The following TRIO variants were observed in gnomAD, a reference collection of about 807,000 sequenced individuals.
TRIO encodes the protein trio Rho guanine nucleotide exchange factor, also known as triple functional domain protein.
Under a neutral mutation model 351.9 loss-of-function variants are expected in TRIO, and 58 were observed. The ratio of observed to expected loss-of-function variants is 0.16; its 90% confidence interval spans 0.13 to 0.21. The LOEUF is 0.21. TRIO is among the 10% of genes least tolerant of loss of function. The probability of loss-of-function intolerance (pLI) is 1.00; values close to 1 mark genes in which losing one functional copy is unlikely to be tolerated. For missense variants in TRIO, 3,201 were observed against 4,027.8 expected (o/e 0.79, Z 5.56); for synonymous variants, 1,758 against 1,595.7 (o/e 1.10, Z -2.42).
intron 16 of TRIO, among the ~76,000 whole-genome samples, chr5:14,367,254 C>T (rs1306958442): frequency 6.6e-6 from 1 of 152,174 alleles, no homozygotes; most frequent in Non-Finnish European, 1.5e-5. Flanking sequence ...TCCTGTTGTT[C>T]TCCTGTTGTA....
chr5:14,361,442 T>C (rs1198795297), intron 13 of TRIO, among the ~76,000 whole-genome samples: 6 of 152,154 alleles, frequency 3.9e-5, no homozygotes, highest in Admixed American at 3.3e-4. Context: ...TCAGATATGG[T>C]TCAGAAGCTG....
intron 1 of TRIO, among the ~76,000 whole-genome samples, chr5:14,179,115 T>G (rs981785006): frequency 6.6e-6 from 1 of 151,682 alleles, no homozygotes; most frequent in Non-Finnish European, 1.5e-5. Context: ...GAGGGAAGAG[T>G]TTTGGTCATA....
chr5:14,338,126 A>T (rs909785101), intron 11 of TRIO, among the ~76,000 whole-genome samples: 1 of 152,104 alleles, frequency 6.6e-6, no homozygotes, highest in African/African-American at 2.4e-5. Flanking sequence ...CTCATTGTGA[A>T]CCGAGCTTGT....
At chr5:14,359,577 G>T (rs1743948818) in intron 13 of TRIO, 46 bp downstream of exon 13, 1 of 1,600,376 alleles carries the variant, frequency 6.2e-7, no homozygotes, top group African/African-American at 1.3e-5. Flanking sequence ...GGAGCCCTTG[G>T]CTTCCTCCAC....
intron 1 of TRIO, among the ~76,000 whole-genome samples, chr5:14,206,881 A>G (rs565667211): frequency 5.3e-5 from 8 of 152,342 alleles, no homozygotes; most frequent in South Asian, 2.1e-4. Flanking sequence ...CCATATAAGC[A>G]TATATAATCA....
intron 1 of TRIO, among the ~76,000 whole-genome samples, chr5:14,163,388 A>C (rs1788586919): frequency 6.6e-6 from 1 of 151,998 alleles, no homozygotes; most frequent in South Asian, 2.1e-4. Flanking sequence ...CTATGGTGTA[A>C]ATTTTGTATT....
intron 1 of TRIO, among the ~76,000 whole-genome samples, chr5:14,181,203 T>G (rs1164426291): frequency 6.6e-6 from 1 of 152,098 alleles, no homozygotes; most frequent in South Asian, 2.1e-4. Flanking sequence ...TTAAGGGATA[T>G]AGAATTTCTA....
chr5:14,373,645 A>G (rs1384023504), intron 18 of TRIO, among the ~76,000 whole-genome samples: 1 of 152,242 alleles, frequency 6.6e-6, no homozygotes, highest in Non-Finnish European at 1.5e-5. Flanking sequence ...CAGTTACCAT[A>G]ATAACATCAC....
chr5:14,356,006 CAAAA>C, intron 11 of TRIO, among the ~76,000 whole-genome samples: 1 of 152,012 alleles, frequency 6.6e-6, no homozygotes, highest in East Asian at 1.9e-4. Flanking sequence ...AACTTAGACA[CAAAA>C]AATAGGTAGA....
chr5:14,405,060 A>T (rs74543621), intron 31 of TRIO, among the ~76,000 whole-genome samples: 2 of 146,478 alleles, frequency 1.4e-5, no homozygotes, highest in African/African-American at 2.7e-5. Context: ...ATGCAGAAAG[A>T]AAAAAAAAAC....
chr5:14,452,451 T>G (rs1020733636), intron 34 of TRIO, among the ~76,000 whole-genome samples: 1 of 151,910 alleles, frequency 6.6e-6, no homozygotes, highest in African/African-American at 2.4e-5. Context: ...AAAAAGGGGG[T>G]CATTGACTCA....
intron 29 of TRIO, among the ~76,000 whole-genome samples, chr5:14,398,351 A>G (rs752689927): frequency 1.3e-5 from 2 of 152,178 alleles, no homozygotes; most frequent in Non-Finnish European, 2.9e-5. Context: ...AGGGTGCACC[A>G]AGCATGGGCA....
intron 1 of TRIO, among the ~76,000 whole-genome samples, chr5:14,155,434 C>G (rs911622867): frequency 2.0e-5 from 3 of 152,132 alleles, no homozygotes; most frequent in Admixed American, 2.0e-4. Context: ...AACTTTAACA[C>G]CTTTTTACCA....
chr5:14,375,179 T>C (rs188206431), intron 19 of TRIO, among the ~76,000 whole-genome samples: 176 of 152,352 alleles, frequency 1.2e-3, no homozygotes, highest in Admixed American at 1.4e-3. Flanking sequence ...TAAAACATAT[T>C]TATTGATGGG....
chr5:14,416,944 G>A (rs1414176817), intron 33 of TRIO, among the ~76,000 whole-genome samples: 2 of 152,232 alleles, frequency 1.3e-5, no homozygotes, highest in East Asian at 3.9e-4. Flanking sequence ...GAAGCAGCGG[G>A]TGGCATCACT....
intron 1 of TRIO, among the ~76,000 whole-genome samples, chr5:14,260,091 T>G (rs1185768318): frequency 6.6e-6 from 1 of 152,254 alleles, no homozygotes; most frequent in Non-Finnish European, 1.5e-5. Context: ...AACATGTTAC[T>G]TACGTTATTA....
At chr5:14,382,327 T>C (rs539126867) in intron 21 of TRIO, among the ~76,000 whole-genome samples, 73 of 152,334 alleles carry the variant, frequency 4.8e-4, no homozygotes, top group African/African-American at 1.7e-3. Context: ...ATGTTTTCTG[T>C]TACTGTTACT....
At chr5:14,169,983 G>A (rs1435979363) in intron 1 of TRIO, among the ~76,000 whole-genome samples, 5 of 152,210 alleles carry the variant, frequency 3.3e-5, no homozygotes, top group African/African-American at 1.2e-4. Context: ...TGTTCCAGGT[G>A]ATTTAATGGA....
chr5:14,419,478 T>C (rs1749931015), intron 33 of TRIO, among the ~76,000 whole-genome samples: 2 of 152,194 alleles, frequency 1.3e-5, no homozygotes, highest in Non-Finnish European at 2.9e-5. Flanking sequence ...TATTTCATGA[T>C]AATCCCCCAG....
Sources: allele counts gnomAD v4.1 joint callset (sites outside exome capture counted in the v4.1 genomes callset), GRCh38; gene constraint gnomAD v4.1.1; transcripts MANE v1.5; gene names NCBI Gene and HGNC (gene_info 2026-07-23, HGNC 2026-07-21).